SLAIN2: variants seen among roughly 807,000 people sequenced by gnomAD.
SLAIN2 encodes SLAIN family member 2, also known as SLAIN motif-containing protein 2.
In SLAIN2, 31 loss-of-function variants were observed where a neutral mutation model predicts 56.6. The observed-to-expected ratio is 0.55, with a 90% CI of 0.41 to 0.74. The LOEUF (loss-of-function observed/expected upper bound fraction) is 0.74, where lower values mean the gene tolerates loss of function less well. SLAIN2 is among the 30% of genes least tolerant of loss of function. The probability of loss-of-function intolerance (pLI) is 0.00; values close to 1 mark genes in which losing one functional copy is unlikely to be tolerated. For missense variants in SLAIN2, 777 were observed against 754.2 expected, an observed-to-expected ratio of 1.03 and a Z score of -0.35; for synonymous variants, 317 against 284.9, an observed-to-expected ratio of 1.11 and a Z score of -1.13.
chr4:48,423,423 T>C lies in SLAIN2; in HGVS notation c.*1346T>C, dbSNP rs1298418319. Reference sequence around the variant, plus strand: ...GTAGCAGGCCTCTCATTTTTTATTATGAGGTCTGTTTTTAAATACTTAATT... The same window carrying C: ...GTAGCAGGCCTCTCATTTTTTATTACGAGGTCTGTTTTTAAATACTTAATT... On this transcript the variant is annotated 3_prime_UTR_variant, in exon 8 of 8. Coordinates refer to ENST00000264313, the MANE Select transcript of SLAIN2 (RefSeq NM_020846.2). 6.6e-6 allele frequency: 1 copy of C among 152,220 alleles called. No homozygotes were observed. The highest frequency in any genetic ancestry group is 1.5e-5 in the Non-Finnish European group (1 of 68,018). 9.4% of individuals were successfully genotyped at this position (152,220 alleles called of 1,614,324 possible).
chr4:48,382,180 G>A (rs1292085474), intron 4 of SLAIN2, among the ~76,000 whole-genome samples: 9 of 152,042 alleles, frequency 5.9e-5, no homozygotes, highest in African/African-American at 9.7e-5. Flanking sequence ...ACTCACATAC[G>A]TATTCTTTTT....
intron 2 of SLAIN2, among the ~76,000 whole-genome samples, chr4:48,376,456 G>A (rs1433755227): frequency 7.8e-4 from 99 of 127,504 alleles, no homozygotes; most frequent in Non-Finnish European, 8.2e-4. Flanking sequence ...TTGTCTCAGA[G>A]AAAAAAAAAA....
Position 48,363,124 on chromosome 4 carries a change from A to G in SLAIN2, c.390-6725A>G, listed in dbSNP as rs1392861818. Among the ~76,000 whole-genome samples the G allele has an allele frequency of 2.0e-3, 84 of 41,986 alleles. 6 individuals are homozygous for G. Among genetic ancestry groups the G allele is most frequent in the Middle Eastern group, 8.6e-3 (1 of 116 alleles). 27.5% of individuals were successfully genotyped at this position (41,986 alleles called of 152,430 possible). A position where few individuals can be genotyped will look rare whatever the true frequency, so the allele number is the denominator to read the frequency against. On this transcript the variant is annotated intron_variant, in intron 1 of 7. Transcript: ENST00000264313. Reference sequence around the variant, plus strand: ...ATCCCAAGGCAGAGGAATTTTTCTTAGTGCAGAATAAAATGAAAAGTCTCC... The same window carrying G: ...ATCCCAAGGCAGAGGAATTTTTCTTGGTGCAGAATAAAATGAAAAGTCTCC...
At chr4:48,397,611 A>T (rs1036593973) in intron 6 of SLAIN2, among the ~76,000 whole-genome samples, 3 of 152,108 alleles carry the variant, frequency 2.0e-5, no homozygotes, top group African/African-American at 4.8e-5. Context: ...CCTATCACCT[A>T]GGTATTAAGC....
At chr4:48,375,592 GATC>G (rs1715790820) in intron 2 of SLAIN2, among the ~76,000 whole-genome samples, 1 of 151,674 alleles carries the variant, frequency 6.6e-6, no homozygotes, top group African/African-American at 2.4e-5. Context: ...ACACTGATCA[GATC>G]ATATCATATG....
chr4:48,403,644 C>T (rs1406420076), intron 6 of SLAIN2, among the ~76,000 whole-genome samples: 1 of 152,184 alleles, frequency 6.6e-6, no homozygotes, highest in Non-Finnish European at 1.5e-5. Context: ...AGCCTGCTAC[C>T]ACTGGCTGGC....
Position 48,378,015 on chromosome 4 carries a change from G to A in SLAIN2, c.658G>A (p.Val220Met), listed in dbSNP as rs747761199. 9 of 1,613,728 alleles carry A rather than the reference G, an allele frequency of 5.6e-6. No homozygotes were observed. Among genetic ancestry groups the A allele is most frequent in the Non-Finnish European group, 7.6e-6 (9 of 1,179,868 alleles). Residue 220 changes from valine to methionine, a missense_variant, in exon 3 of 8, where the codon GTG becomes ATG. Coordinates refer to ENST00000264313, the MANE Select transcript of SLAIN2 (RefSeq NM_020846.2). ...CTTCAATTCTCCATCCTCAACCCCA[G>A]TGCGACCTCCTATAGTCAAACAGCT... ...SGFNSPSSTP[V>M]RPPIVKQLIL...
Position 48,420,248 on chromosome 4 carries a change from C to A in SLAIN2, c.1484C>A (p.Thr495Lys). The A allele has an allele frequency of 6.2e-7, 1 of 1,613,968 alleles. No individual in the cohort carries two copies. Among genetic ancestry groups the A allele is most frequent in the Non-Finnish European group, 8.5e-7 (1 of 1,179,878 alleles). ...GGTAGCCAAGAAATAACACAGCTCA[C>A]ACAAACCACCTCCTCACCTGGGCCT... Reference protein sequence around the residue: ...SPGSQEITQLTQTTSSPGPPM... With the variant: ...SPGSQEITQLKQTTSSPGPPM... Residue 495 changes from threonine (T) to lysine (K), a missense_variant, in exon 7 of 8, where the codon ACA becomes AAA. Thr to Lys is a moderately conservative substitution (Grantham distance 78). Transcript: ENST00000264313.
chr4:48,372,416 A>G (rs934203752), intron 2 of SLAIN2, among the ~76,000 whole-genome samples: 22 of 152,224 alleles, frequency 1.4e-4, no homozygotes, highest in Non-Finnish European at 2.9e-4. Context: ...GCAAGCAGCC[A>G]TAGACAATAC....
At chr4:48,379,920 T>TA in intron 4 of SLAIN2, 72 bp downstream of exon 4, 1 of 1,293,550 alleles carries the variant, frequency 7.7e-7, no homozygotes, top group African/African-American at 1.5e-5. Flanking sequence ...AAATATGTCT[T>TA]AAAGTATTGT....
intron 6 of SLAIN2, among the ~76,000 whole-genome samples, chr4:48,409,113 G>A (rs1716779832): frequency 1.3e-5 from 2 of 152,072 alleles, no homozygotes; most frequent in African/African-American, 4.8e-5. Flanking sequence ...TTTGATACAG[G>A]CAAGCAATGT....
intron 1 of SLAIN2, among the ~76,000 whole-genome samples, chr4:48,359,107 CTTTAA>C (rs1413886553): frequency 2.6e-5 from 4 of 152,128 alleles, no homozygotes; most frequent in African/African-American, 7.2e-5. Context: ...AAAGTGGCCA[CTTTAA>C]TTTACTTTGG....
At chr4:48,376,989 TA>T (rs374658502) in intron 2 of SLAIN2, among the ~76,000 whole-genome samples, 7,125 of 145,346 alleles carry the variant, frequency 0.049, 267 homozygotes, top group African/African-American at 0.099. Context: ...GGTATTGCTT[TA>T]AAAAAAAAAT....
At chr4:48,375,727 A>C (rs1277782072) in intron 2 of SLAIN2, among the ~76,000 whole-genome samples, 3 of 152,156 alleles carry the variant, frequency 2.0e-5, no homozygotes, top group Non-Finnish European at 2.9e-5. Flanking sequence ...CAGGCCTTCC[A>C]TGACCTGGCT....
chr4:48,349,368 A>G (rs1427741837), intron 1 of SLAIN2, among the ~76,000 whole-genome samples: 1 of 152,242 alleles, frequency 6.6e-6, no homozygotes, highest in Non-Finnish European at 1.5e-5. Flanking sequence ...CAAAACTGTA[A>G]AACAGTGAGA....
intron 6 of SLAIN2, among the ~76,000 whole-genome samples, chr4:48,385,294 A>G (rs977529152): frequency 2.6e-5 from 4 of 152,256 alleles, no homozygotes; most frequent in African/African-American, 7.2e-5. Context: ...TTATGATCTT[A>G]TGAACGCTCA....
chr4:48,417,761 C>G (rs1429655622), intron 6 of SLAIN2, among the ~76,000 whole-genome samples: 19 of 147,944 alleles, frequency 1.3e-4, no homozygotes, highest in African/African-American at 4.8e-4. Context: ...ACATGATTAT[C>G]TCAATAGATG....
intron 1 of SLAIN2, among the ~76,000 whole-genome samples, chr4:48,363,863 A>C (rs1185761082): frequency 1.6e-5 from 2 of 128,722 alleles, no homozygotes; most frequent in African/African-American, 3.0e-5. Context: ...ACTTCCCAGT[A>C]GGGGCGGCCG....
intron 1 of SLAIN2, among the ~76,000 whole-genome samples, chr4:48,345,981 T>C (rs1166198951): frequency 4.3e-5 from 1 of 23,074 alleles, no homozygotes; most frequent in Non-Finnish European, 5.4e-3. Flanking sequence ...ACATTTTGTG[T>C]AGACATTATG....
Sources: gnomAD v4.1 joint callset for allele counts (sites outside exome capture counted in the v4.1 genomes callset) on GRCh38, gnomAD v4.1.1 for gene constraint, MANE v1.5 for transcripts, NCBI Gene and HGNC (gene_info 2026-07-23, HGNC 2026-07-21) for gene names.